MYOF: variants seen among roughly 807,000 people sequenced by gnomAD.
MYOF encodes fer-1-like 3, myoferlin.
Under a neutral mutation model 284.2 loss-of-function variants are expected in MYOF, and 244 were observed. The observed-to-expected ratio is 0.86, with a 90% CI of 0.77 to 0.95. The LOEUF is 0.95. Among genes scored for constraint, MYOF ranks in the 40% least tolerant of loss-of-function variants. The pLI is 0.00. For synonymous variants in MYOF, 904 were observed against 919.7 expected, an observed-to-expected ratio of 0.98 and a Z score of 0.31; for missense variants, 2,496 against 2,560.6, an observed-to-expected ratio of 0.97 and a Z score of 0.54.
chr10:93,388,970 A>G, intron 18 of MYOF, 60 bp downstream of exon 18: 1 of 1,569,830 alleles, frequency 6.4e-7, no homozygotes, highest in Non-Finnish European at 8.6e-7. Flanking sequence ...CAGACATTAT[A>G]AGAAGAAATA....
At chr10:93,343,096 G>C (rs138340087) in intron 38 of MYOF, among the ~76,000 whole-genome samples, 94 of 152,226 alleles carry the variant, frequency 6.2e-4, no homozygotes, top group African/African-American at 2.0e-3. Context: ...ATATTAAAGT[G>C]CAATCATGTG....
In MYOF at chr10:93,366,522, C is replaced by T. The variant is rs1845333871; in HGVS notation, c.2623G>A (p.Gly875Ser). The T allele has an allele frequency of 1.9e-6, 3 of 1,611,518 alleles. No individual in the cohort carries two copies. Among genetic ancestry groups the T allele is most frequent in the Non-Finnish European group, 2.5e-6 (3 of 1,179,288 alleles). Residue 875 changes from glycine (G) to serine (S), a missense_variant, in exon 26 of 54, where the codon GGT becomes AGT. Gly to Ser is a moderately conservative substitution (Grantham distance 56). This residue lies in a region of MYOF where 2,436 missense variants were observed against 2,480.7 expected (regional missense o/e 0.98). Transcript: ENST00000359263. ...TGACGTCCTACTAATCCAGAAGTACCCCATTTTCCAAACATGAGAGCTTGA... is the reference window on the plus strand; with the variant it reads ...TGACGTCCTACTAATCCAGAAGTACTCCATTTTCCAAACATGAGAGCTTGA... The part of the protein sequence containing the change: ...ENQALMFGKW[G>S]TSGLVGRHKF...
At chr10:93,468,975 C>T (rs955992492) in intron 1 of MYOF, among the ~76,000 whole-genome samples, 2 of 152,218 alleles carry the variant, frequency 1.3e-5, no homozygotes, top group African/African-American at 4.8e-5. Flanking sequence ...AGCTTCTAGT[C>T]CTTCCCTGCC....
chr10:93,332,256 T>A (rs1843345185), intron 43 of MYOF, among the ~76,000 whole-genome samples: 1 of 150,822 alleles, frequency 6.6e-6, no homozygotes, highest in Admixed American at 6.6e-5. Context: ...GGAGTCTTGC[T>A]CTGTCGCCCA....
In MYOF at chr10:93,474,977, G is replaced by A. The variant is rs1447064930; in HGVS notation, c.88+7130C>T. On this transcript the variant is annotated intron_variant, in intron 1 of 53. Transcript: ENST00000359263. ...CTGGCCAGGCTGGTCTTGAACTCCT[G>A]ACCTCAGGTGATCTGTCCACCTCAG... 2.0e-5 allele frequency among the ~76,000 whole-genome samples: 3 copies of A among 152,118 alleles called. No individual in the cohort carries two copies. In the East Asian group the frequency reaches 5.8e-4, roughly 29 times the overall value.
intron 2 of MYOF, among the ~76,000 whole-genome samples, chr10:93,455,343 C>T (rs2056719821): frequency 1.3e-5 from 2 of 151,842 alleles, no homozygotes; most frequent in African/African-American, 2.4e-5. Context: ...ACCCCCAAGG[C>T]ATTAAAAAGT....
chr10:93,433,480 GTTAC>G (rs35785855), intron 3 of MYOF, among the ~76,000 whole-genome samples: 56,391 of 151,904 alleles, frequency 0.37, 12,664 homozygotes, highest in Non-Finnish European at 0.5. Context: ...ATTTTTAACT[GTTAC>G]TTACTTATAT....
In MYOF at chr10:93,397,305, C is replaced by T. The variant is rs1331042691; in HGVS notation, c.1291-15G>A. 6.3e-7 allele frequency: 1 copy of T among 1,597,768 alleles called. No homozygotes were observed. Among genetic ancestry groups the T allele is most frequent in the African/African-American group, 1.3e-5 (1 of 74,318 alleles). On this transcript the variant is annotated splice_polypyrimidine_tract_variant and intron_variant, in intron 14 of 53. Transcript: ENST00000359263. ...ACTGAAGGAAACTAAAAAAATGAGACAGAAAAAAGTAGTTATTTCTCAATG... is the reference window on the plus strand; with the variant it reads ...ACTGAAGGAAACTAAAAAAATGAGATAGAAAAAAGTAGTTATTTCTCAATG...
At chr10:93,411,211 G>C (rs1344666841) in intron 5 of MYOF, among the ~76,000 whole-genome samples, 1 of 152,178 alleles carries the variant, frequency 6.6e-6, no homozygotes, top group African/African-American at 2.4e-5. Flanking sequence ...ACCACAACCT[G>C]GGTGGCTTTT....
At chr10:93,453,044 G>A (rs1464939952) in intron 2 of MYOF, among the ~76,000 whole-genome samples, 2 of 152,084 alleles carry the variant, frequency 1.3e-5, no homozygotes, top group African/African-American at 4.8e-5. Flanking sequence ...CCTTGTAGTG[G>A]GCTTGGAATG....
chr10:93,312,966 C>G, intron 51 of MYOF, 54 bp downstream of exon 51: 2 of 1,529,420 alleles, frequency 1.3e-6, no homozygotes, highest in African/African-American at 2.8e-5. Flanking sequence ...AGGGCAAAAC[C>G]TAAATGATAA....
intron 42 of MYOF, 56 bp downstream of exon 42, chr10:93,333,702 G>A: frequency 6.3e-7 from 1 of 1,587,604 alleles, no homozygotes; most frequent in Non-Finnish European, 8.6e-7. Flanking sequence ...CAATTATTGT[G>A]GCTGATGACT....
chr10:93,387,758 C>T, intron 19 of MYOF, 39 bp downstream of exon 19: 3 of 1,572,644 alleles, frequency 1.9e-6, no homozygotes, highest in Non-Finnish European at 2.6e-6. Flanking sequence ...TGGAGGTCTC[C>T]TTTTCTATAC....
intron 50 of MYOF, among the ~76,000 whole-genome samples, chr10:93,314,055 T>G (rs1842507429): frequency 6.6e-6 from 1 of 151,902 alleles, no homozygotes; most frequent in African/African-American, 2.4e-5. Flanking sequence ...TCAATCAGAG[T>G]GTCTGGAGAA....
chr10:93,340,454 T>C (rs1339349001), intron 38 of MYOF, among the ~76,000 whole-genome samples: 1 of 152,220 alleles, frequency 6.6e-6, no homozygotes, highest in Non-Finnish European at 1.5e-5. Flanking sequence ...CCTCATCTCA[T>C]GTTTTCGATG....
rs181064410 is a variant in MYOF at position 93,466,006 on chromosome 10, T to C, written c.89-9069A>G. Among the ~76,000 whole-genome samples the C allele has an allele frequency of 2.3e-3, 349 of 152,306 alleles. 1 individual carries two copies. Among genetic ancestry groups the C allele is most frequent in the African/African-American group, 8.1e-3 (337 of 41,588 alleles). Reference sequence around the variant, plus strand: ...CTGAGTTTCCCTGGGGCAGCTGGCATGTGAGCAGTGACTGCTCCTCTCTGG... The same window carrying C: ...CTGAGTTTCCCTGGGGCAGCTGGCACGTGAGCAGTGACTGCTCCTCTCTGG... On this transcript the variant is annotated intron_variant, in intron 1 of 53. Coordinates refer to ENST00000359263, the MANE Select transcript of MYOF (RefSeq NM_013451.4).
In MYOF at chr10:93,350,150, C is replaced by T. The variant is rs541822093; in HGVS notation, c.3922-181G>A. Reference sequence around the variant, plus strand: ...CCCCTTTCTTTCTCCTGCCTGAGCCCCTAAAAAAGCAATGCAGTTAAGAGT... The same window carrying T: ...CCCCTTTCTTTCTCCTGCCTGAGCCTCTAAAAAAGCAATGCAGTTAAGAGT... On this transcript the variant is annotated intron_variant, in intron 35 of 53. Transcript: ENST00000359263. Among the ~76,000 whole-genome samples the T allele has an allele frequency of 2.6e-4, 40 of 152,154 alleles. No homozygotes were observed. In the South Asian group the frequency reaches 3.3e-3, roughly 13 times the overall value.
At chr10:93,387,946 G>A in intron 18 of MYOF, 33 bp from the exon 19 acceptor site, 1 of 1,530,794 alleles carries the variant, frequency 6.5e-7, no homozygotes, top group Non-Finnish European at 9.0e-7. Context: ...TATTCCTCTA[G>A]GCAGCAACAG....
At chr10:93,380,563 C>T (rs1846065765) in intron 20 of MYOF, among the ~76,000 whole-genome samples, 1 of 152,158 alleles carries the variant, frequency 6.6e-6, no homozygotes, top group Non-Finnish European at 1.5e-5. Context: ...CAGTATTCCT[C>T]TCTCCCTTCT....
Sources: allele counts gnomAD v4.1 joint callset (sites outside exome capture counted in the v4.1 genomes callset), GRCh38; gene constraint gnomAD v4.1.1; regional missense constraint gnomAD v4.1.1; transcripts MANE v1.5; gene names NCBI Gene and HGNC (gene_info 2026-07-23, HGNC 2026-07-21).